The following XKR6 variants were observed in gnomAD, a reference collection of about 807,000 sequenced individuals.
XKR6 encodes XK-related protein 6.
XKR6 carries 22 observed loss-of-function variants against 56.7 expected under a neutral mutation model. The ratio of observed to expected loss-of-function variants is 0.39; its 90% CI spans 0.28 to 0.55. The LOEUF (loss-of-function observed/expected upper bound fraction) is 0.55. Ranked by LOEUF, XKR6 falls within the 20% of genes least tolerant of loss-of-function variation. The probability of loss-of-function intolerance (pLI) is 0.66; values close to 1 mark genes in which losing one functional copy is unlikely to be tolerated. For synonymous variants in XKR6, 524 were observed against 387.8 expected (o/e 1.35, Z -4.13); for missense variants, 852 against 889.0 (o/e 0.96, Z 0.53).
chr8:10,955,364 A>G (rs1263764037), intron 1 of XKR6, among the ~76,000 whole-genome samples: 1 of 151,666 alleles, frequency 6.6e-6, no homozygotes, highest in African/African-American at 2.4e-5. Context: ...TATTTTTTGT[A>G]CAGACAAAGT....
At chr8:11,167,898 A>G (rs1255130307) in intron 1 of XKR6, among the ~76,000 whole-genome samples, 1 of 133,602 alleles carries the variant, frequency 7.5e-6, no homozygotes, top group Non-Finnish European at 1.5e-5. Context: ...CTTAAAAAAA[A>G]AAAAAAAAAA....
chr8:11,052,556 T>C (rs6987767), intron 1 of XKR6, among the ~76,000 whole-genome samples: 57,243 of 151,786 alleles, frequency 0.38, 13,247 homozygotes, highest in East Asian at 0.83. Context: ...GTGCTGAGGG[T>C]GGGGGCATCT....
chr8:11,099,851 G>A (rs554193459), intron 1 of XKR6, among the ~76,000 whole-genome samples: 2 of 152,130 alleles, frequency 1.3e-5, no homozygotes, highest in South Asian at 2.1e-4. Context: ...TGCCACTCTA[G>A]ACAGGCTGGG....
intron 1 of XKR6, among the ~76,000 whole-genome samples, chr8:11,184,462 TA>T (rs879442861): frequency 1.1e-4 from 17 of 151,832 alleles, no homozygotes; most frequent in Non-Finnish European, 2.1e-4. Context: ...AAAAGCCCAT[TA>T]AGAATGTCAG....
At chr8:11,059,265 G>A (rs6996458) in intron 1 of XKR6, among the ~76,000 whole-genome samples, 3,006 of 152,006 alleles carry the variant, frequency 0.02, 100 homozygotes, top group African/African-American at 0.068. Context: ...GGCCCAGCGC[G>A]GTCCTGGCGC....
chr8:10,923,528 T>C (rs999135157), intron 2 of XKR6, among the ~76,000 whole-genome samples: 2 of 152,256 alleles, frequency 1.3e-5, no homozygotes, highest in African/African-American at 2.4e-5. Context: ...AGTCTTCCAC[T>C]GGCTTTTGAA....
intron 1 of XKR6, among the ~76,000 whole-genome samples, chr8:11,179,375 A>T (rs1802849076): frequency 6.6e-6 from 1 of 152,188 alleles, no homozygotes; most frequent in South Asian, 2.1e-4. Flanking sequence ...AAACCTCTAC[A>T]TACTTTCAGT....
At chr8:11,065,748 ACT>A (rs1181139678) in intron 1 of XKR6, among the ~76,000 whole-genome samples, 2 of 151,836 alleles carry the variant, frequency 1.3e-5, no homozygotes, top group Non-Finnish European at 2.9e-5. Flanking sequence ...TTTCCTGATA[ACT>A]CAGCCTGGGA....
chr8:11,152,380 C>CG lies in XKR6; in HGVS notation c.764+48195dup, dbSNP rs201085057. Among the ~76,000 whole-genome samples, 521 of 152,162 alleles carry CG rather than the reference C, an allele frequency of 3.4e-3. 3 individuals carry two copies. Among genetic ancestry groups the CG allele is most frequent in the African/African-American group, 0.012 (479 of 41,490 alleles). ...CTTATCTACGCCAGTCAAGGTTGAA[C>CG]GCATTTTTAAAGCTAAGCGAATATA... On this transcript the variant is annotated intron_variant, in intron 1 of 2. Transcript: ENST00000416569.
intron 1 of XKR6, among the ~76,000 whole-genome samples, chr8:10,925,793 T>C (rs1021418421): frequency 6.6e-6 from 1 of 152,084 alleles, no homozygotes; most frequent in African/African-American, 2.4e-5. Flanking sequence ...CCCCAGGTCA[T>C]ATAATAACCC....
chr8:10,991,706 A>T (rs1461650876), intron 1 of XKR6, among the ~76,000 whole-genome samples: 1 of 152,152 alleles, frequency 6.6e-6, no homozygotes, highest in Non-Finnish European at 1.5e-5. Context: ...CAGAATCATG[A>T]TTTCTAAATT....
At chr8:11,151,420 G>A (rs998384893) in intron 1 of XKR6, among the ~76,000 whole-genome samples, 1 of 152,130 alleles carries the variant, frequency 6.6e-6, no homozygotes, top group African/African-American at 2.4e-5. Flanking sequence ...TAAGAGCAAA[G>A]AACATGCACA....
At chr8:10,944,690 G>A (rs553948984) in intron 1 of XKR6, among the ~76,000 whole-genome samples, 6 of 152,068 alleles carry the variant, frequency 3.9e-5, no homozygotes, top group Admixed American at 2.0e-4. Flanking sequence ...GGCTGGCTCC[G>A]AGAAACTTCT....
At chr8:11,113,542 A>G (rs981641986) in intron 1 of XKR6, among the ~76,000 whole-genome samples, 1 of 152,222 alleles carries the variant, frequency 6.6e-6, no homozygotes, top group African/African-American at 2.4e-5. Flanking sequence ...AAACACACAC[A>G]TACATAAAAC....
chr8:11,180,648 C>T (rs1276643695), intron 1 of XKR6, among the ~76,000 whole-genome samples: 1 of 152,132 alleles, frequency 6.6e-6, no homozygotes, highest in East Asian at 1.9e-4. Context: ...CTCACACCTG[C>T]AATCCCAGGG....
At chr8:10,992,731 A>C (rs775729158) in intron 1 of XKR6, among the ~76,000 whole-genome samples, 24 of 152,172 alleles carry the variant, frequency 1.6e-4, no homozygotes, top group Non-Finnish European at 2.6e-4. Context: ...CTGTGCACCA[A>C]GTCAATTCTG....
rs149235690 is a variant in XKR6 at position 10,959,939 on chromosome 8, C to T, written c.765-35109G>A. On this transcript the variant is annotated intron_variant, in intron 1 of 2. Transcript: ENST00000416569. ...AACTACGGTGAGGCAATGAAATGCC[C>T]AGAGTGCAGGATTTAAGGCAGCACT... Among the ~76,000 whole-genome samples the T allele has an allele frequency of 2.4e-3, 359 of 152,222 alleles. 3 individuals carry two copies. Among genetic ancestry groups the T allele is most frequent in the African/African-American group, 7.8e-3 (323 of 41,526 alleles).
intron 1 of XKR6, among the ~76,000 whole-genome samples, chr8:11,198,929 A>G (rs1355537260): frequency 1.3e-5 from 2 of 152,160 alleles, no homozygotes; most frequent in African/African-American, 2.4e-5. Context: ...CAAAAAAAAA[A>G]AGGTATCTCC....
At chr8:11,170,178 C>T (rs1286098080) in intron 1 of XKR6, among the ~76,000 whole-genome samples, 2 of 152,186 alleles carry the variant, frequency 1.3e-5, no homozygotes, top group Non-Finnish European at 2.9e-5. Context: ...TAAGACCCAG[C>T]AGCTCCACTC....
Sources: allele counts gnomAD v4.1 joint callset (sites outside exome capture counted in the v4.1 genomes callset), GRCh38; gene constraint gnomAD v4.1.1; transcripts MANE v1.5; gene names NCBI Gene and HGNC (gene_info 2026-07-23, HGNC 2026-07-21).